The following SLC35F3 variants were observed in gnomAD, a reference collection of about 807,000 sequenced individuals.
SLC35F3 encodes the protein putative thiamine transporter SLC35F3.
A neutral mutation model predicts 49.9 loss-of-function variants in SLC35F3; 25 were observed. The ratio of observed to expected loss-of-function variants is 0.50; its 90% CI spans 0.37 to 0.70. The LOEUF (loss-of-function observed/expected upper bound fraction) is 0.70. Among genes scored for constraint, SLC35F3 ranks in the 30% least tolerant of loss-of-function variants. SLC35F3 has a pLI of 0.00. For missense variants in SLC35F3, 525 were observed against 639.8 expected (o/e 0.82, Z 1.94); for synonymous variants, 275 against 265.4 (o/e 1.04, Z -0.35).
At chr1:234,158,308 T>C (rs150389412) in intron 2 of SLC35F3, among the ~76,000 whole-genome samples, 108 of 152,356 alleles carry the variant, frequency 7.1e-4, no homozygotes, top group African/African-American at 2.3e-3. Context: ...AATACATATC[T>C]ATTGTAAAAA....
At chr1:234,318,693 C>T in intron 5 of SLC35F3, 58 bp from the exon 6 acceptor site, 1 of 1,481,722 alleles carries the variant, frequency 6.7e-7, no homozygotes, top group South Asian at 1.3e-5. Context: ...GCTTTGCTTA[C>T]ATCATATTGG....
intron 2 of SLC35F3, among the ~76,000 whole-genome samples, chr1:234,163,344 A>T (rs1043991890): frequency 1.3e-5 from 2 of 152,164 alleles, no homozygotes; most frequent in African/African-American, 4.8e-5. Flanking sequence ...AGGGAGAAAG[A>T]GGAGGGAAGT....
At chr1:234,054,654 C>A (rs938054619) in intron 2 of SLC35F3, among the ~76,000 whole-genome samples, 1 of 152,220 alleles carries the variant, frequency 6.6e-6, no homozygotes, top group African/African-American at 2.4e-5. Context: ...TCATCAAAGT[C>A]ATTCTCTGTC....
At chr1:234,225,164 C>T (rs561351120) in intron 2 of SLC35F3, among the ~76,000 whole-genome samples, 1 of 152,188 alleles carries the variant, frequency 6.6e-6, no homozygotes. Context: ...CGTGTGAAAG[C>T]CTTTTCTGCA....
intron 2 of SLC35F3, among the ~76,000 whole-genome samples, chr1:234,187,454 G>T (rs147439547): frequency 6.6e-6 from 1 of 152,154 alleles, no homozygotes; most frequent in Non-Finnish European, 1.5e-5. Context: ...GCAGCATGTC[G>T]GGAGTCACAT....
intron 2 of SLC35F3, among the ~76,000 whole-genome samples, chr1:234,149,662 C>T (rs186686678): frequency 3.9e-5 from 6 of 152,236 alleles, no homozygotes; most frequent in South Asian, 2.1e-4. Context: ...CCTTAAAAAA[C>T]GCCCTGAGAG....
intron 2 of SLC35F3, among the ~76,000 whole-genome samples, chr1:234,092,453 A>T (rs1401471940): frequency 6.6e-6 from 1 of 152,166 alleles, no homozygotes; most frequent in East Asian, 1.9e-4. Context: ...TGAACACCTA[A>T]GAGGACTGTA....
chr1:234,082,299 A>G (rs1664890243), intron 2 of SLC35F3, among the ~76,000 whole-genome samples: 1 of 152,188 alleles, frequency 6.6e-6, no homozygotes, highest in Non-Finnish European at 1.5e-5. Flanking sequence ...CTTTATGTAT[A>G]AATAAGAGGA....
At chr1:234,164,131 TTC>T (rs954422854) in intron 2 of SLC35F3, among the ~76,000 whole-genome samples, 3 of 151,084 alleles carry the variant, frequency 2.0e-5, no homozygotes, top group Non-Finnish European at 3.0e-5. Context: ...CTCTCTCTCC[TTC>T]TCTTTTTCTC....
chr1:234,051,524 A>G (rs1664376217), intron 2 of SLC35F3, among the ~76,000 whole-genome samples: 1 of 152,164 alleles, frequency 6.6e-6, no homozygotes, highest in African/African-American at 2.4e-5. Flanking sequence ...GCTTATCAGC[A>G]TAAGGAGATT....
intron 2 of SLC35F3, among the ~76,000 whole-genome samples, chr1:234,106,643 C>A (rs879865124): frequency 2.0e-5 from 3 of 152,206 alleles, no homozygotes; most frequent in African/African-American, 7.2e-5. Context: ...ATCTTAACCA[C>A]CTTTTTAAAG....
intron 3 of SLC35F3, among the ~76,000 whole-genome samples, chr1:234,258,404 C>T (rs1265260043): frequency 6.6e-6 from 1 of 152,148 alleles, no homozygotes; most frequent in Non-Finnish European, 1.5e-5. Context: ...ATGATATTAC[C>T]TGTGGGAGCA....
intron 3 of SLC35F3, among the ~76,000 whole-genome samples, chr1:234,303,848 G>T (rs1668729524): frequency 6.6e-6 from 1 of 151,946 alleles, no homozygotes; most frequent in South Asian, 2.1e-4. Context: ...GTACTTGGTG[G>T]CCCCTTACAT....
intron 2 of SLC35F3, among the ~76,000 whole-genome samples, chr1:234,050,750 A>C (rs1340718731): frequency 2.0e-5 from 3 of 152,078 alleles, no homozygotes; most frequent in Non-Finnish European, 2.9e-5. Context: ...AGGTTTTCTT[A>C]TAGGGTTTTT....
chr1:234,064,028 C>T (rs751854540), intron 2 of SLC35F3, among the ~76,000 whole-genome samples: 2 of 152,200 alleles, frequency 1.3e-5, no homozygotes, highest in Non-Finnish European at 2.9e-5. Context: ...TTTATAATTT[C>T]ACCATTTTCA....
At chr1:233,972,940 C>T (rs987597928) in intron 2 of SLC35F3, among the ~76,000 whole-genome samples, 1 of 152,264 alleles carries the variant, frequency 6.6e-6, no homozygotes, top group African/African-American at 2.4e-5. Context: ...CCTGAGCCCA[C>T]TGTGCCTTGC....
chr1:234,174,636 A>G (rs1220423791), intron 2 of SLC35F3, among the ~76,000 whole-genome samples: 2 of 152,212 alleles, frequency 1.3e-5, no homozygotes, highest in Non-Finnish European at 2.9e-5. Context: ...GTGTATATGT[A>G]TAAACATCTC....
At chr1:234,093,313 A>G (rs185198050) in intron 2 of SLC35F3, among the ~76,000 whole-genome samples, 2 of 152,336 alleles carry the variant, frequency 1.3e-5, no homozygotes, top group African/African-American at 2.4e-5. Context: ...CTTTTCTGAC[A>G]TATTCCCACT....
intron 2 of SLC35F3, among the ~76,000 whole-genome samples, chr1:233,972,836 T>C (rs1332204974): frequency 6.6e-6 from 1 of 152,208 alleles, no homozygotes; most frequent in South Asian, 2.1e-4. Flanking sequence ...ATTTTAGAGA[T>C]GAGAAATGTA....
Sources: gnomAD v4.1 joint callset for allele counts (sites outside exome capture counted in the v4.1 genomes callset) on GRCh38, gnomAD v4.1.1 for gene constraint, MANE v1.5 for transcripts, NCBI Gene and HGNC (gene_info 2026-07-23, HGNC 2026-07-21) for gene names.